The following ROBO2 variants were observed in gnomAD, a reference collection of about 807,000 sequenced individuals.
The protein encoded by ROBO2 is roundabout guidance receptor 2.
In ROBO2, 53 loss-of-function variants were observed where a neutral mutation model predicts 160.8. That is an observed-to-expected ratio of 0.33 (90% CI 0.26 to 0.41). The LOEUF (loss-of-function observed/expected upper bound fraction) is 0.41, where lower values mean the gene tolerates loss of function less well. Ranked by LOEUF, ROBO2 falls within the 10% of genes least tolerant of loss-of-function variation. The probability of loss-of-function intolerance (pLI) is 1.00; values close to 1 mark genes in which losing one functional copy is unlikely to be tolerated. For missense variants in ROBO2, 1,577 were observed against 1,722.4 expected (o/e 0.92, Z 1.49); for synonymous variants, 664 against 611.7 (o/e 1.09, Z -1.26).
chr3:77,497,014 G>T (rs1486758009), intron 5 of ROBO2, among the ~76,000 whole-genome samples: 1 of 152,070 alleles, frequency 6.6e-6, no homozygotes, highest in East Asian at 1.9e-4. Flanking sequence ...GAATGTTTCA[G>T]TTTGGTAGGA....
intron 2 of ROBO2, among the ~76,000 whole-genome samples, chr3:77,320,997 A>G (rs895364402): frequency 1.3e-5 from 2 of 152,174 alleles, no homozygotes; most frequent in South Asian, 4.1e-4. Context: ...AATCCCACAC[A>G]TACAACACAC....
chr3:77,428,651 C>T (rs967865109), intron 2 of ROBO2, among the ~76,000 whole-genome samples: 3 of 151,984 alleles, frequency 2.0e-5, no homozygotes, highest in South Asian at 2.1e-4. Context: ...CCACCGCGCC[C>T]GGCCGGTAAT....
At chr3:77,294,014 T>C (rs1457105663) in intron 2 of ROBO2, among the ~76,000 whole-genome samples, 1 of 138,932 alleles carries the variant, frequency 7.2e-6, no homozygotes, top group Non-Finnish European at 1.5e-5. Flanking sequence ...ACACTGAGGC[T>C]AGATCACCCA....
intron 1 of ROBO2, among the ~76,000 whole-genome samples, chr3:77,079,018 A>G (rs2068327693): frequency 6.6e-6 from 1 of 152,098 alleles, no homozygotes; most frequent in Non-Finnish European, 1.5e-5. Context: ...ATCTCGGCTC[A>G]CTGCAACCTC....
chr3:76,616,223 C>T (rs565153994), intron 2 of ROBO2, among the ~76,000 whole-genome samples: 14 of 152,236 alleles, frequency 9.2e-5, no homozygotes, highest in South Asian at 2.1e-4. Context: ...ACTACCTTAC[C>T]ACTTTTATCC....
At chr3:76,412,194 G>A (rs2075521642) in intron 2 of ROBO2, among the ~76,000 whole-genome samples, 2 of 152,052 alleles carry the variant, frequency 1.3e-5, no homozygotes, top group African/African-American at 4.8e-5. Flanking sequence ...AGAATAGCAC[G>A]AGAAACACCA....
At chr3:77,272,893 A>C (rs188479232) in intron 2 of ROBO2, among the ~76,000 whole-genome samples, 6 of 152,258 alleles carry the variant, frequency 3.9e-5, no homozygotes, top group Non-Finnish European at 7.4e-5. Context: ...ATTTAGATTA[A>C]TCTTCTATTA....
At chr3:77,322,875 G>A (rs62251225) in intron 2 of ROBO2, among the ~76,000 whole-genome samples, 41,485 of 49,832 alleles carry the variant, frequency 0.83, 18,068 homozygotes, top group Non-Finnish European at 0.91. Flanking sequence ...AATATATTAT[G>A]TAATATATTA....
At chr3:77,081,634 G>C (rs1239549462) in intron 1 of ROBO2, among the ~76,000 whole-genome samples, 1 of 152,164 alleles carries the variant, frequency 6.6e-6, no homozygotes, top group Non-Finnish European at 1.5e-5. Context: ...TTCTATTTTT[G>C]TTATGTTGAA....
chr3:76,368,766 C>T (rs560724177), intron 2 of ROBO2, among the ~76,000 whole-genome samples: 1 of 152,014 alleles, frequency 6.6e-6, no homozygotes, highest in South Asian at 2.1e-4. Context: ...GATCTATGTT[C>T]CCCTCCCTTG....
chr3:77,381,896 G>T (rs1464505885), intron 2 of ROBO2, among the ~76,000 whole-genome samples: 1 of 152,074 alleles, frequency 6.6e-6, no homozygotes, highest in Admixed American at 6.6e-5. Context: ...TTTATGGGGG[G>T]TGAGGGGCTA....
intron 2 of ROBO2, among the ~76,000 whole-genome samples, chr3:76,112,251 C>T (rs1287816035): frequency 6.6e-6 from 1 of 151,806 alleles, no homozygotes; most frequent in Non-Finnish European, 1.5e-5. Flanking sequence ...TATTCTATAT[C>T]TTGAACTCCA....
At chr3:76,502,550 TCATC>T (rs1323147172) in intron 2 of ROBO2, among the ~76,000 whole-genome samples, 1 of 152,224 alleles carries the variant, frequency 6.6e-6, no homozygotes, top group East Asian at 1.9e-4. Flanking sequence ...GAAATTTGCT[TCATC>T]CATTCTTTTT....
intron 2 of ROBO2, among the ~76,000 whole-genome samples, chr3:76,918,222 C>G (rs571874510): frequency 1.2e-4 from 19 of 152,292 alleles, no homozygotes; most frequent in African/African-American, 3.6e-4. Flanking sequence ...CATTGGATCA[C>G]GGAGGTGGTT....
At chr3:77,307,780 G>C (rs2153419138) in intron 2 of ROBO2, among the ~76,000 whole-genome samples, 1 of 152,234 alleles carries the variant, frequency 6.6e-6, no homozygotes, top group Non-Finnish European at 1.5e-5. Flanking sequence ...CTACTCGGGA[G>C]GCTAAGGCGG....
At chr3:77,435,515 T>C (rs1021713835) in intron 2 of ROBO2, among the ~76,000 whole-genome samples, 5 of 151,770 alleles carry the variant, frequency 3.3e-5, no homozygotes, top group Non-Finnish European at 5.9e-5. Context: ...AATTTCAAAT[T>C]TTTTTTCCAT....
At chr3:75,913,299 A>G (rs967059544) in intron 1 of ROBO2, among the ~76,000 whole-genome samples, 18 of 152,190 alleles carry the variant, frequency 1.2e-4, no homozygotes, top group Admixed American at 1.1e-3. Flanking sequence ...TTGTCTCAAG[A>G]TCCTTAACTT....
In ROBO2 at chr3:77,451,657, A is replaced by G. The variant is rs188961563; in HGVS notation, c.389-25757A>G. Among the ~76,000 whole-genome samples the G allele has an allele frequency of 1.1e-4, 17 of 152,160 alleles. No individual in the cohort carries two copies. In the East Asian group the frequency reaches 3.1e-3, roughly 28 times the overall value. On this transcript the variant is annotated intron_variant, in intron 2 of 25. Transcript: ENST00000461745. ...TTACCAGCCAAAATGTGCAAAGTCT[A>G]GTTCATTTCCTCTTTATCTCTCCCC... is the stretch of plus-strand genomic sequence containing the variant.
intron 2 of ROBO2, among the ~76,000 whole-genome samples, chr3:77,409,174 T>C (rs1386304327): frequency 6.6e-6 from 1 of 151,040 alleles, no homozygotes; most frequent in Non-Finnish European, 1.5e-5. Flanking sequence ...CCAGTAAAGA[T>C]TGCAGAACAA....
Sources: allele counts gnomAD v4.1 joint callset (sites outside exome capture counted in the v4.1 genomes callset), GRCh38; gene constraint gnomAD v4.1.1; transcripts MANE v1.5; gene names NCBI Gene and HGNC (gene_info 2026-07-23, HGNC 2026-07-21).